NELL2: variants seen among roughly 807,000 people sequenced by gnomAD.
NELL2 encodes neural EGFL like 2.
In NELL2, 41 loss-of-function variants were observed where a neutral mutation model predicts 109.6. The ratio of observed to expected loss-of-function variants is 0.37; its 90% CI spans 0.29 to 0.49. The LOEUF is 0.49. Ranked by LOEUF, NELL2 falls within the 20% of genes least tolerant of loss-of-function variation. NELL2 has a pLI of 0.98. For missense variants in NELL2, 900 were observed against 1,008.3 expected, an observed-to-expected ratio of 0.89 and a Z score of 1.45; for synonymous variants, 355 against 344.7, an observed-to-expected ratio of 1.03 and a Z score of -0.33.
At chr12:44,644,911 T>A (rs1198413363) in intron 13 of NELL2, among the ~76,000 whole-genome samples, 1 of 151,776 alleles carries the variant, frequency 6.6e-6, no homozygotes, top group Non-Finnish European at 1.5e-5. Context: ...AAAAAGTTTG[T>A]GACTGTTAGC....
rs146056796 is a variant in NELL2 at position 44,577,678 on chromosome 12, C to T, written c.1663+29491G>A. Among the ~76,000 whole-genome samples the T allele has an allele frequency of 2.2e-3, 328 of 151,936 alleles. 1 individual carries two copies. The highest frequency in any genetic ancestry group is 7.2e-3 in the African/African-American group (297 of 41,384). ...TTTTTTTAGTAGAGATGGGGTTTCACCATGTTAGCCAGGATGGTCTCGATC... is the reference window on the plus strand; with the variant it reads ...TTTTTTTAGTAGAGATGGGGTTTCATCATGTTAGCCAGGATGGTCTCGATC... On this transcript the variant is annotated intron_variant, in intron 15 of 19. Coordinates refer to ENST00000429094, the MANE Select transcript of NELL2 (RefSeq NM_001145108.2).
At chr12:44,595,261 G>A (rs1944911509) in intron 15 of NELL2, among the ~76,000 whole-genome samples, 1 of 152,138 alleles carries the variant, frequency 6.6e-6, no homozygotes, top group Admixed American at 6.5e-5. Flanking sequence ...TTATTTTAAG[G>A]CTGGAGTTGT....
At chr12:44,529,080 C>G (rs11182524) in intron 16 of NELL2, among the ~76,000 whole-genome samples, 5,259 of 152,018 alleles carry the variant, frequency 0.035, 134 homozygotes, top group Non-Finnish European at 0.05. Context: ...AGAAGAATCA[C>G]TCTGAATGTT....
At chr12:44,751,844 T>G (rs1411611986) in intron 9 of NELL2, among the ~76,000 whole-genome samples, 1 of 152,162 alleles carries the variant, frequency 6.6e-6, no homozygotes, top group Non-Finnish European at 1.5e-5. Flanking sequence ...TTTGGGGCAT[T>G]TATCTAAGCC....
At chr12:44,912,026 G>A (rs1224222546) in intron 1 of NELL2, among the ~76,000 whole-genome samples, 1 of 151,718 alleles carries the variant, frequency 6.6e-6, no homozygotes, top group African/African-American at 2.4e-5. Context: ...AAGTGCCCCT[G>A]AGGATTGAGT....
intron 13 of NELL2, among the ~76,000 whole-genome samples, chr12:44,648,900 TTGTGTGTGTGTGTG>T (rs563769057): frequency 2.0e-4 from 21 of 107,164 alleles, no homozygotes; most frequent in East Asian, 3.0e-4. Flanking sequence ...CACGCCCAGC[TTGTGTGTGTGTGTG>T]TGTGTGTGTG....
intron 9 of NELL2, among the ~76,000 whole-genome samples, chr12:44,732,634 T>A (rs1236694297): frequency 6.6e-6 from 1 of 151,956 alleles, no homozygotes; most frequent in Non-Finnish European, 1.5e-5. Context: ...TTTCATAATA[T>A]TGGTCTTGGC....
At chr12:44,745,544 AG>A (rs1398902934) in intron 9 of NELL2, among the ~76,000 whole-genome samples, 2 of 152,346 alleles carry the variant, frequency 1.3e-5, no homozygotes, top group East Asian at 3.9e-4. Context: ...TTGTATATCT[AG>A]AAAACCCAAT....
upstream of NELL2, among the ~76,000 whole-genome samples, chr12:44,880,327 A>G (rs1316020511): frequency 2.0e-5 from 3 of 152,088 alleles, no homozygotes; most frequent in Admixed American, 2.0e-4. Context: ...GAAACCAAAT[A>G]GAACTTCTAG....
chr12:44,580,506 C>T (rs369528503), intron 15 of NELL2, among the ~76,000 whole-genome samples: 11 of 152,130 alleles, frequency 7.2e-5, no homozygotes, highest in African/African-American at 2.2e-4. Flanking sequence ...TGCCTGAGCT[C>T]GGGAGTTCGA....
At chr12:44,622,206 C>T (rs903629611) in intron 13 of NELL2, among the ~76,000 whole-genome samples, 3 of 151,950 alleles carry the variant, frequency 2.0e-5, no homozygotes, top group African/African-American at 7.3e-5. Context: ...CCCTGTAACA[C>T]CCGTGAGATT....
chr12:44,680,129 TGCAGTCATAAA>T (rs1948448597), intron 12 of NELL2, among the ~76,000 whole-genome samples: 1 of 152,154 alleles, frequency 6.6e-6, no homozygotes, highest in African/African-American at 2.4e-5. Flanking sequence ...AAGCATGGAT[TGCAGTCATAAA>T]ATTACCCAAA....
rs201289186 is a variant in NELL2, at chr12:44,909,968, C to CA, written c.38+3830dup. Among the ~76,000 whole-genome samples the CA allele has an allele frequency of 4.9e-3, 738 of 151,478 alleles. 6 individuals are homozygous for CA. The highest frequency in any genetic ancestry group is 0.017 in the African/African-American group (694 of 41,360). ...TTGGACCCTTATCTTTTACCACATA[C>CA]AAAAAAAATTAACTCAAAATGGGTT... On this transcript the variant is annotated intron_variant, in intron 1 of 20. Transcript: ENST00000333837.
intron 13 of NELL2, among the ~76,000 whole-genome samples, chr12:44,632,860 C>T (rs1316098135): frequency 6.6e-6 from 1 of 152,010 alleles, no homozygotes; most frequent in African/African-American, 2.4e-5. Context: ...TCAATTATCT[C>T]TATCATTTTT....
At chr12:44,869,615 T>C (rs966547796) in intron 2 of NELL2, among the ~76,000 whole-genome samples, 2 of 152,182 alleles carry the variant, frequency 1.3e-5, no homozygotes, top group Non-Finnish European at 2.9e-5. Flanking sequence ...GGCTCCTCCA[T>C]AGATATTTCT....
chr12:44,787,553 A>G (rs11182673), intron 3 of NELL2, among the ~76,000 whole-genome samples: 35,969 of 152,080 alleles, frequency 0.24, 4,534 homozygotes, highest in South Asian at 0.3. Context: ...TACCCAATTC[A>G]AAGACTTTAT....
Position 44,631,038 on chromosome 12 carries a change from T to C in NELL2, c.1445-20068A>G, listed in dbSNP as rs1946437303. Reference sequence around the variant, plus strand: ...ATTCCATCACTTTCAAGAAAATGTTTCTGATTGGAACCATCCTCATTGAAT... The same window carrying C: ...ATTCCATCACTTTCAAGAAAATGTTCCTGATTGGAACCATCCTCATTGAAT... On this transcript the variant is annotated intron_variant, in intron 13 of 19. Transcript: ENST00000429094. Among the ~76,000 whole-genome samples, 3 of 151,964 alleles carry C rather than the reference T, an allele frequency of 2.0e-5. No individual in the cohort carries two copies. The South Asian group carries it at 6.2e-4, about 31-fold the overall frequency.
At position 44,656,541 on chromosome 12, in the gene NELL2, G is replaced by A. The variant is rs372069540; in HGVS notation, c.1444+8943C>T. 2.6e-5 allele frequency among the ~76,000 whole-genome samples: 4 copies of A among 152,286 alleles called. No individual in the cohort carries two copies. In the East Asian group the frequency reaches 5.8e-4, roughly 22 times the overall value. ...AAGAGTCACAATAAAAACAGCTAGT[G>A]TTCATTAAACATTTCTTTTGCAGTA... On this transcript the variant is annotated intron_variant, in intron 13 of 19. Coordinates refer to ENST00000429094, the MANE Select transcript of NELL2 (RefSeq NM_001145108.2).
chr12:44,574,941 T>C (rs904603442), intron 15 of NELL2, among the ~76,000 whole-genome samples: 8 of 152,226 alleles, frequency 5.3e-5, no homozygotes, highest in East Asian at 1.9e-4. Context: ...CTATTTTTTA[T>C]AGGATTCATA....
Sources: allele counts gnomAD v4.1 joint callset (sites outside exome capture counted in the v4.1 genomes callset), GRCh38; gene constraint gnomAD v4.1.1; transcripts MANE v1.5; gene names NCBI Gene and HGNC (gene_info 2026-07-23, HGNC 2026-07-21).